Variants in CNTLN observed in about 807,000 individuals in gnomAD.
CNTLN encodes the protein centlein.
Under a neutral mutation model 180.0 loss-of-function variants are expected in CNTLN, and 212 were observed. The ratio of observed to expected loss-of-function variants is 1.18; its 90% CI spans 1.05 to 1.32. The LOEUF (loss-of-function observed/expected upper bound fraction) is 1.32. Among genes scored for constraint, CNTLN ranks in the 40% most tolerant of loss-of-function variants. The probability of loss-of-function intolerance (pLI) is 0.00; values close to 1 mark genes in which losing one functional copy is unlikely to be tolerated. For synonymous variants in CNTLN, 722 were observed against 563.1 expected, an observed-to-expected ratio of 1.28 and a Z score of -3.99; for missense variants, 2,095 against 1,610.9, an observed-to-expected ratio of 1.30 and a Z score of -5.14.
intron 25 of CNTLN, among the ~76,000 whole-genome samples, chr9:17,489,634 A>C (rs1833049002): frequency 6.6e-6 from 1 of 152,112 alleles, no homozygotes; most frequent in Non-Finnish European, 1.5e-5. Context: ...CCACAAAATA[A>C]AAAGCTGTTC....
At chr9:17,511,002 G>C in the CNTLN span, among the ~76,000 whole-genome samples, 1 of 152,192 alleles carries the variant, frequency 6.6e-6, no homozygotes, top group East Asian at 1.9e-4. Context: ...AACCATGTCT[G>C]AGAGATGAAG....
intron 2 of CNTLN, among the ~76,000 whole-genome samples, chr9:17,190,211 ATCACAGCCCTTTGTT>A (rs1212402935): frequency 6.7e-6 from 1 of 150,158 alleles, no homozygotes; most frequent in Non-Finnish European, 1.5e-5. Context: ...TTCTTCAGGG[ATCACAGCCCTTTGTT>A]TCCTGTTGTA....
chr9:17,202,646 G>GTTTTTTTTTTTTTTTTTTTTTTTTTT (rs57960408), intron 2 of CNTLN, among the ~76,000 whole-genome samples: 10 of 71,476 alleles, frequency 1.4e-4, no homozygotes, highest in East Asian at 1.1e-3. Flanking sequence ...TGCAACCTCT[G>GTTTTTTTTTTTTTTTTTTTTTTTTTT]TTTTTTTTTT....
rs1442231791 is a variant in CNTLN at position 17,327,747 on chromosome 9, A to C, written c.1342-2885A>C. ...GGCAGGTGGATCACCTGAGGTCAGG[A>C]GTTCGAGACCAGCCTGATCAACATG... On this transcript the variant is annotated intron_variant, in intron 8 of 25. Transcript: ENST00000380647. 3.3e-5 allele frequency among the ~76,000 whole-genome samples: 5 copies of C among 151,962 alleles called. No homozygotes were observed. In the East Asian group the frequency reaches 9.7e-4, roughly 30 times the overall value.
rs1181160338 is a variant in CNTLN, at chr9:17,496,157, G to A, written c.4120-6394G>A. Among the ~76,000 whole-genome samples the A allele has an allele frequency of 4.6e-5, 7 of 152,108 alleles. No homozygotes were observed. In the East Asian group the frequency reaches 1.2e-3, roughly 25 times the overall value. On this transcript the variant is annotated intron_variant, in intron 25 of 25. Coordinates refer to ENST00000380647, the MANE Select transcript of CNTLN (RefSeq NM_017738.4). Reference sequence around the variant, plus strand: ...GGAGCAACATATTTAAATCAACACTGAGTGACACAGTGATGAACAAGAGAC... The same window carrying A: ...GGAGCAACATATTTAAATCAACACTAAGTGACACAGTGATGAACAAGAGAC...
intron 12 of CNTLN, among the ~76,000 whole-genome samples, chr9:17,363,639 T>C (rs1016988654): frequency 2.6e-5 from 4 of 152,086 alleles, no homozygotes; most frequent in African/African-American, 9.6e-5. Flanking sequence ...TGTATCCTCC[T>C]ACAATACAAG....
At position 17,388,175 on chromosome 9, in the gene CNTLN, A is replaced by T. The variant is rs199785150; in HGVS notation, c.2001A>T (p.Arg667Ser). The T allele has an allele frequency of 3.7e-6, 6 of 1,608,672 alleles. No individual in the cohort carries two copies. The highest frequency in any genetic ancestry group is 4.3e-6 in the Non-Finnish European group (5 of 1,175,856). Residue 667 changes from arginine (R) to serine (S), a missense_variant, in exon 14 of 26, where the codon AGA becomes AGT. Coordinates refer to ENST00000380647, the MANE Select transcript of CNTLN (RefSeq NM_017738.4). ...ATTCTCTACCAGAACAGCTCTTTAGATCTGGTGAAGATGATGAGGTCAAGA... is the reference window on the plus strand; with the variant it reads ...ATTCTCTACCAGAACAGCTCTTTAGTTCTGGTGAAGATGATGAGGTCAAGA... ...VAERREEQLF[R>S]SGEDDEVKRS...
rs1818382833 is a variant in CNTLN, at chr9:17,301,900, T to G, written c.1146+3548T>G. The G allele has an allele frequency of 1.4e-5, 13 of 928,166 alleles. No individual in the cohort carries two copies. The South Asian group carries it at 6.0e-4, about 43-fold the overall frequency. 57.5% of individuals were successfully genotyped at this position (928,166 alleles called of 1,614,324 possible). A position where few individuals can be genotyped will look rare whatever the true frequency, so the allele number is the denominator to read the frequency against. ...TAACATATTTGTTAGCACACTAGTATTTTTCACTTTAACATTATATTTTAA... is the reference window on the plus strand; with the variant it reads ...TAACATATTTGTTAGCACACTAGTAGTTTTCACTTTAACATTATATTTTAA... On this transcript the variant is annotated intron_variant, in intron 7 of 25. Transcript: ENST00000380647.
At chr9:17,512,059 G>A in the CNTLN span, among the ~76,000 whole-genome samples, 1 of 152,302 alleles carries the variant, frequency 6.6e-6, no homozygotes, top group Non-Finnish European at 1.5e-5. Flanking sequence ...CTAGACTTGA[G>A]ATCAAGAGGT....
downstream of CNTLN, among the ~76,000 whole-genome samples, chr9:17,507,128 A>G (rs538918806): frequency 2.6e-5 from 4 of 152,012 alleles, no homozygotes; most frequent in East Asian, 7.7e-4. Context: ...TAGTTTTTCA[A>G]CCCTCTCTCC....
At chr9:17,473,491 A>G (rs1832145599) in intron 23 of CNTLN, among the ~76,000 whole-genome samples, 1 of 151,454 alleles carries the variant, frequency 6.6e-6, no homozygotes, top group Non-Finnish European at 1.5e-5. Flanking sequence ...ATCTCCTCAT[A>G]TTCGCAAGGA....
chr9:17,382,565 A>G (rs193168092), intron 13 of CNTLN, among the ~76,000 whole-genome samples: 2 of 152,372 alleles, frequency 1.3e-5, no homozygotes, highest in East Asian at 3.9e-4. Flanking sequence ...CTTTGTGACC[A>G]TAATTTAATG....
chr9:17,399,464 G>A (rs1826798921), intron 15 of CNTLN, among the ~76,000 whole-genome samples: 1 of 152,066 alleles, frequency 6.6e-6, no homozygotes, highest in African/African-American at 2.4e-5. Flanking sequence ...CCCTACTAGT[G>A]CATTTTATTC....
In CNTLN at chr9:17,298,220, C is replaced by T; in HGVS notation, c.1014C>T (p.Tyr338=). Residue 338 remains tyrosine (Y), a synonymous_variant, in exon 7 of 26, where the codon TAC becomes TAT. Coordinates refer to ENST00000380647, the MANE Select transcript of CNTLN (RefSeq NM_017738.4). The part of the protein sequence containing the change: ...RKELQELQNL[Y]KQNSTHTAQQ... ...AACTGCAGGAGCTGCAGAATCTTTACAAACAGAACAGTACACATACAGCCC... is the reference window on the plus strand; with the variant it reads ...AACTGCAGGAGCTGCAGAATCTTTATAAACAGAACAGTACACATACAGCCC... 1 of 1,549,476 alleles carries T rather than the reference C, an allele frequency of 6.5e-7. No homozygotes were observed. Among genetic ancestry groups the T allele is most frequent in the South Asian group, 1.3e-5 (1 of 78,328 alleles).
At chr9:17,396,445 A>G (rs1401293571) in intron 15 of CNTLN, among the ~76,000 whole-genome samples, 1 of 152,148 alleles carries the variant, frequency 6.6e-6, no homozygotes, top group Admixed American at 6.5e-5. Flanking sequence ...TTGCTAACAA[A>G]TTGCCCAATT....
chr9:17,464,858 G>A (rs1831654623), intron 21 of CNTLN, among the ~76,000 whole-genome samples: 1 of 151,126 alleles, frequency 6.6e-6, no homozygotes, highest in South Asian at 2.1e-4. Context: ...AATATCCCAT[G>A]AGAAGATTAA....
intron 2 of CNTLN, among the ~76,000 whole-genome samples, chr9:17,210,271 T>A (rs1823202572): frequency 6.6e-6 from 1 of 152,158 alleles, no homozygotes. Context: ...TGTCCAAATG[T>A]TCTCATTGTT....
chr9:17,179,193 G>C (rs929108435), intron 2 of CNTLN, among the ~76,000 whole-genome samples: 1 of 141,250 alleles, frequency 7.1e-6, no homozygotes, highest in Non-Finnish European at 1.5e-5. Context: ...GCAGTGAGCC[G>C]AGATCCCGCC....
intron 12 of CNTLN, among the ~76,000 whole-genome samples, chr9:17,343,405 T>C (rs2133224725): frequency 6.6e-6 from 1 of 152,308 alleles, no homozygotes; most frequent in African/African-American, 2.4e-5. Flanking sequence ...TTCTTAGCTG[T>C]AAATGAGAAG....
Sources: allele counts gnomAD v4.1 joint callset (sites outside exome capture counted in the v4.1 genomes callset), GRCh38; gene constraint gnomAD v4.1.1; transcripts MANE v1.5; gene names NCBI Gene and HGNC (gene_info 2026-07-23, HGNC 2026-07-21).